The following CHD9 variants were observed in gnomAD, a reference collection of about 807,000 sequenced individuals.
CHD9 encodes ATP-dependent chromatin remodeler CHD9.
Under a neutral mutation model 316.1 loss-of-function variants are expected in CHD9, and 77 were observed. The observed-to-expected ratio is 0.24, with a 90% CI of 0.20 to 0.29. CHD9 has a LOEUF of 0.29. CHD9 is among the 10% of genes least tolerant of loss of function. CHD9 has a pLI of 1.00. For synonymous variants in CHD9, 1,129 were observed against 1,158.3 expected, an observed-to-expected ratio of 0.97 and a Z score of 0.51; for missense variants, 2,763 against 3,438.1, an observed-to-expected ratio of 0.80 and a Z score of 4.91.
At chr16:53,085,825 G>C (rs1441382849) in intron 1 of CHD9, among the ~76,000 whole-genome samples, 1 of 152,152 alleles carries the variant, frequency 6.6e-6, no homozygotes, top group African/African-American at 2.4e-5. Context: ...CCTCTTGCCT[G>C]GTAAGCTTTG....
chr16:53,290,936 A>G (rs1163634712), intron 27 of CHD9, among the ~76,000 whole-genome samples: 1 of 152,232 alleles, frequency 6.6e-6, no homozygotes, highest in East Asian at 1.9e-4. Context: ...AGGAGAGACT[A>G]GAGACAATAA....
intron 1 of CHD9, among the ~76,000 whole-genome samples, chr16:53,074,590 A>G (rs2034367752): frequency 6.6e-6 from 1 of 152,140 alleles, no homozygotes. Flanking sequence ...GGTGCCCTGC[A>G]TCCCAGCCAC....
chr16:53,169,843 A>T (rs1191870672), intron 2 of CHD9, among the ~76,000 whole-genome samples: 1 of 152,164 alleles, frequency 6.6e-6, no homozygotes, highest in African/African-American at 2.4e-5. Context: ...CTTTAGAGAG[A>T]TATCTGGTTT....
At chr16:53,163,078 T>A (rs1489096871) in intron 2 of CHD9, among the ~76,000 whole-genome samples, 2 of 152,152 alleles carry the variant, frequency 1.3e-5, no homozygotes, top group African/African-American at 4.8e-5. Context: ...AAAATGGGTA[T>A]CAAAAATAAT....
At chr16:53,230,772 AT>A (rs2048099358) in intron 8 of CHD9, among the ~76,000 whole-genome samples, 1 of 138,724 alleles carries the variant, frequency 7.2e-6, no homozygotes, top group Non-Finnish European at 1.6e-5. Context: ...AGAAGTGAGG[AT>A]GAAGAAGGAG....
At chr16:53,061,104 T>C (rs955942752) in intron 1 of CHD9, among the ~76,000 whole-genome samples, 2 of 151,886 alleles carry the variant, frequency 1.3e-5, no homozygotes, top group Non-Finnish European at 2.9e-5. Flanking sequence ...TTTTTGTGTA[T>C]TTAGTGGAGA....
chr16:53,129,417 G>T lies in CHD9; in HGVS notation c.-164-26509G>T, dbSNP rs928444270. 7.2e-5 allele frequency among the ~76,000 whole-genome samples: 11 copies of T among 152,332 alleles called. No homozygotes were observed. In the South Asian group the frequency reaches 1.9e-3, roughly 26 times the overall value. ...GTGGTTGTTATAAGTATCCTTCAGG[G>T]AATCAAAGTTGGAACTGTAACCGCC... On this transcript the variant is annotated intron_variant, in intron 1 of 38. Transcript: ENST00000447540.
At chr16:53,124,509 G>A (rs184996288) in intron 1 of CHD9, among the ~76,000 whole-genome samples, 59 of 125,230 alleles carry the variant, frequency 4.7e-4, no homozygotes, top group East Asian at 1.8e-3. Context: ...AAGGTGTCTC[G>A]CTCTGTCATC....
At chr16:53,213,148 G>A (rs1163899816) in intron 3 of CHD9, among the ~76,000 whole-genome samples, 1 of 152,156 alleles carries the variant, frequency 6.6e-6, no homozygotes, top group Non-Finnish European at 1.5e-5. Flanking sequence ...CTTATTAATG[G>A]CTATTTTGAC....
At chr16:53,283,509 G>A (rs1313913128) in intron 24 of CHD9, among the ~76,000 whole-genome samples, 1 of 152,116 alleles carries the variant, frequency 6.6e-6, no homozygotes, top group Non-Finnish European at 1.5e-5. Flanking sequence ...TAATCACAAT[G>A]TTTTGAGCTT....
chr16:53,294,171 G>T lies in CHD9; in HGVS notation c.5510+1119G>T, dbSNP rs548346852. On this transcript the variant is annotated intron_variant, in intron 29 of 38. Coordinates refer to ENST00000447540, the MANE Select transcript of CHD9 (RefSeq NM_001308319.2). ...CAGGCAAACTTCTCTCATTCCACAA[G>T]CTTTAACTTCTTAAAAGGAATAGAG... Among the ~76,000 whole-genome samples the T allele has an allele frequency of 3.3e-5, 5 of 152,246 alleles. No homozygotes were observed. In the East Asian group the frequency reaches 7.7e-4, roughly 24 times the overall value.
At chr16:53,199,331 T>C (rs2045234105) in intron 2 of CHD9, among the ~76,000 whole-genome samples, 1 of 152,212 alleles carries the variant, frequency 6.6e-6, no homozygotes, top group African/African-American at 2.4e-5. Flanking sequence ...TGCTTCTCTG[T>C]ATATAGTCAT....
At chr16:53,295,672 T>C (rs894897290) in intron 29 of CHD9, among the ~76,000 whole-genome samples, 2 of 152,234 alleles carry the variant, frequency 1.3e-5, no homozygotes, top group Non-Finnish European at 1.5e-5. Flanking sequence ...TACCCAGATT[T>C]AATGACTTGG....
chr16:53,127,692 G>A (rs2039031299), intron 1 of CHD9, among the ~76,000 whole-genome samples: 2 of 152,052 alleles, frequency 1.3e-5, no homozygotes, highest in Non-Finnish European at 2.9e-5. Flanking sequence ...AGGCTGAGGT[G>A]GGTGGATCAT....
intron 3 of CHD9, among the ~76,000 whole-genome samples, chr16:53,218,261 C>A (rs1201952674): frequency 6.6e-6 from 1 of 151,882 alleles, no homozygotes; most frequent in Non-Finnish European, 1.5e-5. Flanking sequence ...ACATGTAGAA[C>A]AATGTTGGAA....
chr16:53,285,260 A>G (rs2053767728), intron 24 of CHD9, among the ~76,000 whole-genome samples: 1 of 152,182 alleles, frequency 6.6e-6, no homozygotes, highest in African/African-American at 2.4e-5. Flanking sequence ...GATTATTGCC[A>G]AGTTGTTGGC....
chr16:53,205,224 A>G (rs933210696), intron 2 of CHD9, among the ~76,000 whole-genome samples: 2 of 152,228 alleles, frequency 1.3e-5, no homozygotes, highest in Admixed American at 1.3e-4. Flanking sequence ...TTTGAAACTT[A>G]TCACACTTAC....
chr16:53,289,427 A>G (rs955206704), intron 27 of CHD9, among the ~76,000 whole-genome samples: 2 of 152,128 alleles, frequency 1.3e-5, no homozygotes, highest in Non-Finnish European at 2.9e-5. Flanking sequence ...TGGAAAATAC[A>G]TTTATTGATA....
chr16:53,147,844 A>G (rs2152726724), intron 1 of CHD9, among the ~76,000 whole-genome samples: 1 of 152,230 alleles, frequency 6.6e-6, no homozygotes, highest in East Asian at 1.9e-4. Flanking sequence ...CTTTTGGTGA[A>G]TAGTATGTAC....
Sources: gnomAD v4.1 joint callset for allele counts (sites outside exome capture counted in the v4.1 genomes callset) on GRCh38, gnomAD v4.1.1 for gene constraint, MANE v1.5 for transcripts, NCBI Gene and HGNC (gene_info 2026-07-23, HGNC 2026-07-21) for gene names.